The following RIMS2 variants were observed in gnomAD, a reference collection of about 807,000 sequenced individuals.
The protein encoded by RIMS2 is regulating synaptic membrane exocytosis 2.
A neutral mutation model predicts 174.4 loss-of-function variants in RIMS2; 59 were observed. The ratio of observed to expected loss-of-function variants is 0.34; its 90% CI spans 0.27 to 0.42. The LOEUF (loss-of-function observed/expected upper bound fraction) is 0.42. RIMS2 is among the 10% of genes least tolerant of loss of function. RIMS2 has a pLI of 1.00. For synonymous variants in RIMS2, 606 were observed against 572.5 expected (o/e 1.06, Z -0.84); for missense variants, 1,620 against 1,666.3 (o/e 0.97, Z 0.48).
At chr8:103,519,733 CT>C (rs56922734) in intron 1 of RIMS2, among the ~76,000 whole-genome samples, 7,215 of 131,334 alleles carry the variant, frequency 0.055, 188 homozygotes, top group African/African-American at 0.08. Context: ...GGCTTTACTA[CT>C]TTTTTTTTTT....
chr8:103,910,948 A>T (rs2075558255), intron 5 of RIMS2, among the ~76,000 whole-genome samples: 1 of 152,204 alleles, frequency 6.6e-6, no homozygotes, highest in South Asian at 2.1e-4. Context: ...AAGGGAGATA[A>T]TTGGGTCTGT....
intron 19 of RIMS2, among the ~76,000 whole-genome samples, chr8:104,070,132 A>G (rs2097172688): frequency 6.6e-6 from 1 of 152,242 alleles, no homozygotes; most frequent in African/African-American, 2.4e-5. Context: ...TTGGGTATAC[A>G]TAAGTAGCAG....
intron 2 of RIMS2, among the ~76,000 whole-genome samples, chr8:103,728,488 G>T (rs960985587): frequency 6.6e-6 from 1 of 152,048 alleles, no homozygotes; most frequent in Non-Finnish European, 1.5e-5. Flanking sequence ...GGTGGAAGTG[G>T]TCATTCTTGT....
At chr8:104,183,959 T>C (rs1049152735) in intron 19 of RIMS2, among the ~76,000 whole-genome samples, 2 of 151,568 alleles carry the variant, frequency 1.3e-5, no homozygotes, top group Admixed American at 1.3e-4. Flanking sequence ...CAGCTTTAGA[T>C]TATGGAGGTT....
chr8:103,558,203 G>A (rs771068119), intron 1 of RIMS2, among the ~76,000 whole-genome samples: 2 of 151,948 alleles, frequency 1.3e-5, no homozygotes, highest in African/African-American at 4.8e-5. Flanking sequence ...GGAAAAAAAA[G>A]AAACCTTGTA....
intron 3 of RIMS2, among the ~76,000 whole-genome samples, chr8:103,788,150 G>C (rs1266232808): frequency 2.0e-5 from 3 of 149,034 alleles, no homozygotes; most frequent in Non-Finnish European, 4.5e-5. Flanking sequence ...CTCTGTATTG[G>C]TTATTCTAGT....
At chr8:103,776,688 G>A (rs1308344005) in intron 3 of RIMS2, among the ~76,000 whole-genome samples, 2 of 152,024 alleles carry the variant, frequency 1.3e-5, no homozygotes, top group Non-Finnish European at 2.9e-5. Context: ...CCACTAGGGG[G>A]CTAGTAGTCA....
intron 19 of RIMS2, among the ~76,000 whole-genome samples, chr8:104,019,920 A>G (rs547361217): frequency 2.0e-3 from 298 of 152,214 alleles, no homozygotes; most frequent in African/African-American, 6.9e-3. Context: ...TGGGGACTTC[A>G]GCAATAGTTA....
intron 19 of RIMS2, among the ~76,000 whole-genome samples, chr8:104,131,484 A>G (rs544746770): frequency 1.3e-5 from 2 of 152,156 alleles, no homozygotes; most frequent in African/African-American, 4.8e-5. Flanking sequence ...TTTAAAATAA[A>G]TATGTTATAT....
chr8:103,511,561 G>C (rs908155021), intron 1 of RIMS2, among the ~76,000 whole-genome samples: 2 of 152,104 alleles, frequency 1.3e-5, no homozygotes, highest in African/African-American at 4.8e-5. Context: ...ATGCACAGTA[G>C]TGTATGTTAT....
chr8:104,211,746 T>G (rs779081677), intron 19 of RIMS2, among the ~76,000 whole-genome samples: 7 of 152,136 alleles, frequency 4.6e-5, no homozygotes, highest in Non-Finnish European at 8.8e-5. Flanking sequence ...ACACCTGACC[T>G]CAAGTGATCT....
At chr8:104,148,652 G>C (rs1436727410) in intron 19 of RIMS2, 1 of 1,598,068 alleles carries the variant, frequency 6.3e-7, no homozygotes, top group Non-Finnish European at 8.5e-7. Flanking sequence ...GCATATCAGG[G>C]AAGAACATGA....
chr8:103,783,351 T>C (rs1185432516), intron 3 of RIMS2, among the ~76,000 whole-genome samples: 1 of 151,132 alleles, frequency 6.6e-6, no homozygotes, highest in African/African-American at 2.4e-5. Flanking sequence ...ACATGTGCCA[T>C]GCTGGTGCGC....
At chr8:104,022,728 C>T (rs2096135971) in intron 19 of RIMS2, among the ~76,000 whole-genome samples, 1 of 152,142 alleles carries the variant, frequency 6.6e-6, no homozygotes, top group Non-Finnish European at 1.5e-5. Context: ...GGCAGTTTCA[C>T]ATGTAAAGTT....
intron 3 of RIMS2, among the ~76,000 whole-genome samples, chr8:103,871,529 T>A (rs994706124): frequency 6.6e-6 from 1 of 152,172 alleles, no homozygotes; most frequent in African/African-American, 2.4e-5. Flanking sequence ...CAGATTTTTT[T>A]ATTTTCTATA....
chr8:103,799,956 C>G (rs149047232), intron 3 of RIMS2, among the ~76,000 whole-genome samples: 7 of 152,244 alleles, frequency 4.6e-5, no homozygotes, highest in African/African-American at 1.7e-4. Context: ...CTACTACCAG[C>G]TTTACAGTTT....
intron 15 of RIMS2, among the ~76,000 whole-genome samples, chr8:103,967,768 T>C (rs2092279564): frequency 6.6e-6 from 1 of 152,150 alleles, no homozygotes; most frequent in Admixed American, 6.5e-5. Flanking sequence ...CTCCTTTTTC[T>C]TTATAGAATG....
chr8:103,608,618 G>A (rs2095242487), intron 1 of RIMS2, among the ~76,000 whole-genome samples: 1 of 150,718 alleles, frequency 6.6e-6, no homozygotes, highest in Non-Finnish European at 1.5e-5. Context: ...TTTGATCTCA[G>A]ACTGCTGTGC....
intron 17 of RIMS2, among the ~76,000 whole-genome samples, chr8:104,001,546 T>C (rs1272240607): frequency 1.3e-5 from 2 of 152,030 alleles, no homozygotes; most frequent in African/African-American, 2.4e-5. Flanking sequence ...TTGCCTGTTA[T>C]ATCCTTGTGC....
Sources: allele counts gnomAD v4.1 joint callset (sites outside exome capture counted in the v4.1 genomes callset), GRCh38; gene constraint gnomAD v4.1.1; transcripts MANE v1.5; gene names NCBI Gene and HGNC (gene_info 2026-07-23, HGNC 2026-07-21).